Variants in MICU2 observed in about 807,000 individuals in gnomAD.
MICU2 encodes the protein mitochondrial calcium uptake 2.
Under a neutral mutation model 60.4 loss-of-function variants are expected in MICU2, and 64 were observed. That is an observed-to-expected ratio of 1.06 (90% confidence interval 0.87 to 1.31). The LOEUF (loss-of-function observed/expected upper bound fraction) is 1.31, where lower values mean the gene tolerates loss of function less well. Among genes scored for constraint, MICU2 ranks in the 50% most tolerant of loss-of-function variants. The pLI, the probability that MICU2 is intolerant of heterozygous loss-of-function variation, is 0.00. For synonymous variants in MICU2, 201 were observed against 175.0 expected (o/e 1.15, Z -1.17); for missense variants, 569 against 531.0 (o/e 1.07, Z -0.70).
intron 1 of MICU2, among the ~76,000 whole-genome samples, chr13:21,597,665 T>C (rs186574729): frequency 1.3e-3 from 195 of 152,238 alleles, no homozygotes; most frequent in African/African-American, 4.5e-3. Context: ...CGGTGGCTCA[T>C]GCCTGTAATC....
chr13:21,602,661 C>T (rs1888851675), intron 1 of MICU2: 1 of 152,082 alleles, frequency 6.6e-6, no homozygotes, highest in African/African-American at 2.4e-5. Context: ...TAGATCTTTC[C>T]ATTATATATG....
intron 1 of MICU2, among the ~76,000 whole-genome samples, chr13:21,594,876 TA>T (rs1888658980): frequency 1.3e-5 from 2 of 151,962 alleles, no homozygotes; most frequent in South Asian, 4.2e-4. Flanking sequence ...CCGGGCCTGT[TA>T]GGGGGTGGGG....
chr13:21,571,692 C>T (rs370856381), intron 1 of MICU2, among the ~76,000 whole-genome samples: 3 of 152,076 alleles, frequency 2.0e-5, no homozygotes, highest in Non-Finnish European at 2.9e-5. Context: ...AGCGAGACTG[C>T]GTCTCAAAAG....
chr13:21,517,793 ACACACACGCGCGCGCGCGCG>A (rs910091249), intron 6 of MICU2, among the ~76,000 whole-genome samples: 7 of 97,182 alleles, frequency 7.2e-5, no homozygotes, highest in Admixed American at 2.0e-4. Context: ...ACACACACAC[ACACACACGCGCGCGCGCGCG>A]CACACGCGCT....
intron 7 of MICU2, among the ~76,000 whole-genome samples, chr13:21,513,319 C>T (rs1886479045): frequency 6.6e-6 from 1 of 152,116 alleles, no homozygotes; most frequent in Admixed American, 6.5e-5. Flanking sequence ...TGCCTTACTC[C>T]TGATGTCAGG....
intron 2 of MICU2, among the ~76,000 whole-genome samples, chr13:21,554,470 T>A (rs1278868597): frequency 6.6e-6 from 1 of 151,890 alleles, no homozygotes; most frequent in African/African-American, 2.4e-5. Flanking sequence ...AATAAAGAGG[T>A]TCTTTGAAAC....
intron 1 of MICU2, among the ~76,000 whole-genome samples, chr13:21,600,711 T>G (rs1888793769): frequency 6.6e-6 from 1 of 152,176 alleles, no homozygotes; most frequent in African/African-American, 2.4e-5. Context: ...ACTAGAAAAG[T>G]GTAGGACTCC....
intron 4 of MICU2, among the ~76,000 whole-genome samples, chr13:21,532,187 T>C (rs1887017866): frequency 6.6e-6 from 1 of 152,074 alleles, no homozygotes; most frequent in Admixed American, 6.6e-5. Context: ...ATCTGAAGAG[T>C]CAAAACTAAT....
Position 21,525,517 on chromosome 13 carries a change from G to A in MICU2, c.467-2867C>T, listed in dbSNP as rs78073620. Among the ~76,000 whole-genome samples, 5 of 151,620 alleles carry A rather than the reference G, an allele frequency of 3.3e-5. No homozygotes were observed. The East Asian group carries it at 5.8e-4, about 18-fold the overall frequency. The stretch of plus-strand genomic sequence containing the variant: ...ATGCTGATTTAATTTTTGAGGAATC[G>A]CCCTACCTTTTCCACAGCAGCTGTG... On this transcript the variant is annotated intron_variant, in intron 4 of 11. Transcript: ENST00000382374.
intron 1 of MICU2, among the ~76,000 whole-genome samples, chr13:21,590,270 G>T (rs554637484): frequency 6.6e-6 from 1 of 152,296 alleles, no homozygotes; most frequent in South Asian, 2.1e-4. Flanking sequence ...CAAGCCAGAA[G>T]AGACTGAGGG....
chr13:21,582,291 TAC>T (rs928324595), intron 1 of MICU2, among the ~76,000 whole-genome samples: 22 of 152,288 alleles, frequency 1.4e-4, no homozygotes. Flanking sequence ...CTACTGAAGA[TAC>T]AATAGCCAAA....
chr13:21,539,302 C>G lies in MICU2; in HGVS notation c.466G>C (p.Gly156Arg). 1 of 1,613,114 alleles carries G rather than the reference C, an allele frequency of 6.2e-7. No homozygotes were observed. Among genetic ancestry groups the G allele is most frequent in the Admixed American group, 1.7e-5 (1 of 59,834 alleles). The change falls in exon 4 of 12, where the codon GGG becomes CGG. Residue 156 changes from glycine to arginine, a missense_variant and splice_region_variant. Transcript: ENST00000382374. ...AAATTTAACAACAAACCAAAATTAC[C>G]TTTATCGCCAAGGTCTCTGAAAAAA... ...STFFRDLGDK[G>R]LISYTEYLFL... is the part of the protein sequence containing the mutation.
chr13:21,593,074 G>A (rs754116761), intron 1 of MICU2, among the ~76,000 whole-genome samples: 1 of 152,156 alleles, frequency 6.6e-6, no homozygotes, highest in Non-Finnish European at 1.5e-5. Context: ...AGGAAGTCAA[G>A]TTGTCTCTGT....
At chr13:21,508,653 G>A (rs1886354090) in intron 8 of MICU2, among the ~76,000 whole-genome samples, 1 of 152,070 alleles carries the variant, frequency 6.6e-6, no homozygotes, top group Admixed American at 6.5e-5. Flanking sequence ...CTCACCTTAT[G>A]CTTCCTACTT....
intron 2 of MICU2, chr13:21,551,249 G>C (rs1328909450): frequency 6.6e-6 from 1 of 152,356 alleles, no homozygotes; most frequent in African/African-American, 2.4e-5. Flanking sequence ...ACACAGTGGA[G>C]AAAAAGAACC....
At chr13:21,567,307 G>C (rs1208129950) in intron 1 of MICU2, among the ~76,000 whole-genome samples, 2 of 152,188 alleles carry the variant, frequency 1.3e-5, no homozygotes, top group Non-Finnish European at 2.9e-5. Context: ...CACTTAGAGA[G>C]ATTAAACGAG....
chr13:21,564,817 C>G (rs1314598569), intron 2 of MICU2, among the ~76,000 whole-genome samples: 2 of 152,176 alleles, frequency 1.3e-5, no homozygotes, highest in South Asian at 2.1e-4. Context: ...GAGAACCTGG[C>G]AGAGTTCCTC....
rs201974410 is a variant in MICU2 at position 21,554,534 on chromosome 13, T to C, written c.358+12263A>G. ...AATCTCTGGGACACATTCAAAGCAGTGTGTAGAGGGAAATTTATAGCACAA... is the reference window on the plus strand; with the variant it reads ...AATCTCTGGGACACATTCAAAGCAGCGTGTAGAGGGAAATTTATAGCACAA... On this transcript the variant is annotated intron_variant, in intron 2 of 11. Coordinates refer to ENST00000382374, the MANE Select transcript of MICU2 (RefSeq NM_152726.3). Among the ~76,000 whole-genome samples, 15 of 151,428 alleles carry C rather than the reference T, an allele frequency of 9.9e-5. No homozygotes were observed. In the East Asian group the frequency reaches 2.7e-3, roughly 27 times the overall value.
intron 7 of MICU2, among the ~76,000 whole-genome samples, chr13:21,511,409 C>CA (rs1200783458): frequency 1.3e-5 from 2 of 152,086 alleles, no homozygotes; most frequent in Non-Finnish European, 2.9e-5. Context: ...GTAAAAGGCA[C>CA]AAAAACCCAG....
Sources: gnomAD v4.1 joint callset for allele counts (sites outside exome capture counted in the v4.1 genomes callset) on GRCh38, gnomAD v4.1.1 for gene constraint, MANE v1.5 for transcripts, NCBI Gene and HGNC (gene_info 2026-07-23, HGNC 2026-07-21) for gene names.